LCP2: variants seen among roughly 807,000 people sequenced by gnomAD.
The protein encoded by LCP2 is lymphocyte cytosolic protein 2, also known as 76 kDa tyrosine phosphoprotein.
A neutral mutation model predicts 74.5 loss-of-function variants in LCP2; 29 were observed. That is an observed-to-expected ratio of 0.39 (90% CI 0.29 to 0.53). The LOEUF (loss-of-function observed/expected upper bound fraction) is 0.53. Among genes scored for constraint, LCP2 ranks in the 20% least tolerant of loss-of-function variants. The pLI is 0.72. For synonymous variants in LCP2, 228 were observed against 229.5 expected (o/e 0.99, Z 0.06); for missense variants, 604 against 634.6 (o/e 0.95, Z 0.52).
rs371991489 is a variant in LCP2, at chr5:170,258,078, G to T, written c.1059C>A (p.Asn353Lys). Residue 353 changes from asparagine to lysine, a missense_variant, in exon 16 of 21, where the codon AAC becomes AAA. Transcript: ENST00000046794. ...PSRSTKPSPM[N>K]PLPSSHMPGA... ...CAGGCATGTGAGAGGATGGGAGAGG[G>T]TTCATGGGACTTGGCTTAGTAGATC... The T allele has an allele frequency of 6.2e-7, 1 of 1,613,804 alleles. No individual in the cohort carries two copies. Among genetic ancestry groups the T allele is most frequent in the African/African-American group, 1.3e-5 (1 of 74,926 alleles).
chr5:170,289,607 C>CTT (rs1762241945), intron 2 of LCP2, among the ~76,000 whole-genome samples: 1 of 143,628 alleles, frequency 7.0e-6, no homozygotes, highest in Middle Eastern at 3.5e-3. Flanking sequence ...TTCTTTCTTT[C>CTT]TTTCTTTCTT....
intron 10 of LCP2, among the ~76,000 whole-genome samples, chr5:170,264,147 C>A (rs889309569): frequency 6.6e-6 from 1 of 152,170 alleles, no homozygotes; most frequent in Non-Finnish European, 1.5e-5. Context: ...CCCCCAGAAC[C>A]GATGAACTTT....
intron 2 of LCP2, among the ~76,000 whole-genome samples, chr5:170,290,046 G>A (rs1054996826): frequency 2.3e-4 from 35 of 152,138 alleles, no homozygotes; most frequent in African/African-American, 8.2e-4. Context: ...CATTCAGAAC[G>A]GGGACAAGAA....
At chr5:170,293,516 GCC>G in intron 1 of LCP2, 144 bp from the exon 2 acceptor site, 1 of 731,926 alleles carries the variant, frequency 1.4e-6, no homozygotes, top group Non-Finnish European at 2.4e-6. Flanking sequence ...CTAACAGAGG[GCC>G]CAGTCCCCAC....
intron 2 of LCP2, among the ~76,000 whole-genome samples, chr5:170,289,247 T>C (rs1312853722): frequency 6.6e-6 from 1 of 152,180 alleles, no homozygotes; most frequent in Non-Finnish European, 1.5e-5. Flanking sequence ...GACTGAGAAA[T>C]GGAGGAGTAA....
Position 170,279,962 on chromosome 5 carries a change from G to A in LCP2, c.189-4102C>T, listed in dbSNP as rs12653488. On this transcript the variant is annotated intron_variant, in intron 3 of 20. Coordinates refer to ENST00000046794, the MANE Select transcript of LCP2 (RefSeq NM_005565.5). ...AGGCTGCCAGGCAGGTGGAAAAGGA[G>A]GGAGAGAGAGAGGGGGGAAGGGAAG... is the stretch of plus-strand genomic sequence containing the variant. Among the ~76,000 whole-genome samples the A allele has an allele frequency of 3.7e-4, 56 of 152,082 alleles. 1 individual carries two copies. In the East Asian group the frequency reaches 0.01, roughly 27 times the overall value.
intron 6 of LCP2, among the ~76,000 whole-genome samples, chr5:170,272,097 G>T (rs1761905590): frequency 1.3e-5 from 2 of 152,200 alleles, no homozygotes; most frequent in South Asian, 4.1e-4. Flanking sequence ...AAGAGCCTCA[G>T]CATGGAGGTC....
intron 3 of LCP2, among the ~76,000 whole-genome samples, chr5:170,286,027 C>A (rs960122626): frequency 6.6e-6 from 1 of 152,214 alleles, no homozygotes; most frequent in African/African-American, 2.4e-5. Context: ...GTGTCTGATG[C>A]TCAATGTCTT....
At position 170,271,769 on chromosome 5, in the gene LCP2, G is replaced by C. The variant is rs1024952799; in HGVS notation, c.325-852C>G. ...CAAAGTCCAGGGGGTGAGTCAATGA[G>C]CCCAGACCTCAACACTCAAGGGCAG... On this transcript the variant is annotated intron_variant, in intron 6 of 20. Transcript: ENST00000046794. Among the ~76,000 whole-genome samples the C allele has an allele frequency of 2.0e-5, 3 of 151,944 alleles. No individual in the cohort carries two copies. The South Asian group carries it at 6.2e-4, about 32-fold the overall frequency.
chr5:170,291,003 AG>A (rs1561979163), intron 2 of LCP2, among the ~76,000 whole-genome samples: 2 of 123,852 alleles, frequency 1.6e-5, no homozygotes, highest in African/African-American at 6.3e-5. Context: ...AAAGAAAGAG[AG>A]AAAGAAAGAG....
intron 3 of LCP2, among the ~76,000 whole-genome samples, chr5:170,281,342 C>T (rs557153307): frequency 5.3e-5 from 8 of 151,950 alleles, no homozygotes; most frequent in Non-Finnish European, 5.9e-5. Context: ...TGCAGTGCCA[C>T]GATCTTGGCT....
Position 170,269,366 on chromosome 5 carries a change from G to C in LCP2, c.524-884C>G, listed in dbSNP as rs1482486661. Among the ~76,000 whole-genome samples the C allele has an allele frequency of 7.9e-5, 12 of 152,164 alleles. 1 individual carries two copies. The South Asian group carries it at 1.7e-3, about 21-fold the overall frequency. On this transcript the variant is annotated intron_variant, in intron 7 of 20. Coordinates refer to ENST00000046794, the MANE Select transcript of LCP2 (RefSeq NM_005565.5). ...GCTTTGTGCCCTGGGTGCCTCTCTTGCCCGACTCTAGTCCCAGCCTTGGGG... is the reference window on the plus strand; with the variant it reads ...GCTTTGTGCCCTGGGTGCCTCTCTTCCCCGACTCTAGTCCCAGCCTTGGGG...
In LCP2 at chr5:170,270,605, C is replaced by G. The variant is rs115310752; in HGVS notation, c.523+114G>C. 3.0e-3 allele frequency: 2,622 copies of G among 884,436 alleles called. 42 individuals carry two copies. In the African/African-American group the frequency reaches 0.037, roughly 13 times the overall value. 54.8% of individuals were successfully genotyped at this position (884,436 alleles called of 1,614,324 possible). On this transcript the variant is annotated intron_variant, in intron 7 of 20. Transcript: ENST00000046794. Reference sequence around the variant, plus strand: ...AGCTGTTAAGAAGCCGAGCAGATATCGAGACCCAGAGCTTTCTGCTACATG... The same window carrying G: ...AGCTGTTAAGAAGCCGAGCAGATATGGAGACCCAGAGCTTTCTGCTACATG...
At chr5:170,288,702 C>G (rs530536999) in intron 2 of LCP2, among the ~76,000 whole-genome samples, 14 of 152,192 alleles carry the variant, frequency 9.2e-5, no homozygotes, top group Non-Finnish European at 2.1e-4. Flanking sequence ...AGCCGAGGCT[C>G]AGGGATATCA....
intron 6 of LCP2, among the ~76,000 whole-genome samples, chr5:170,273,230 G>A (rs1482419172): frequency 6.6e-6 from 1 of 152,160 alleles, no homozygotes; most frequent in Non-Finnish European, 1.5e-5. Flanking sequence ...AGTTTACAGA[G>A]AGGATCGAAG....
intron 7 of LCP2, among the ~76,000 whole-genome samples, chr5:170,269,325 G>A (rs1464362250): frequency 6.6e-6 from 1 of 152,210 alleles, no homozygotes; most frequent in Non-Finnish European, 1.5e-5. Flanking sequence ...GGGGTGAGTG[G>A]GTAGGGCCTC....
At chr5:170,267,324 C>T (rs1383141819) in intron 8 of LCP2, 2 of 574,256 alleles carry the variant, frequency 3.5e-6, no homozygotes, top group Non-Finnish European at 3.1e-6. Flanking sequence ...CCTCCTATCA[C>T]ATTAGAAACA....
At chr5:170,249,607 A>T (rs916638325) in intron 20 of LCP2, among the ~76,000 whole-genome samples, 1 of 152,072 alleles carries the variant, frequency 6.6e-6, no homozygotes, top group Admixed American at 6.5e-5. Context: ...TAGAGGTGGG[A>T]TCTGCAGCAT....
intron 14 of LCP2, among the ~76,000 whole-genome samples, chr5:170,260,654 A>T (rs1761634362): frequency 6.6e-6 from 1 of 152,244 alleles, no homozygotes; most frequent in South Asian, 2.1e-4. Context: ...GCAAACAGGG[A>T]CAACTGGTCA....
Sources: allele counts gnomAD v4.1 joint callset (sites outside exome capture counted in the v4.1 genomes callset), GRCh38; gene constraint gnomAD v4.1.1; transcripts MANE v1.5; gene names NCBI Gene and HGNC (gene_info 2026-07-23, HGNC 2026-07-21).